The following FBXL17 variants were observed in gnomAD, a reference collection of about 807,000 sequenced individuals.
The protein encoded by FBXL17 is F-box and leucine rich repeat protein 17.
Under a neutral mutation model 66.2 loss-of-function variants are expected in FBXL17, and 22 were observed. The ratio of observed to expected loss-of-function variants is 0.33; its 90% CI spans 0.24 to 0.47. The LOEUF is 0.47. Ranked by LOEUF, FBXL17 falls within the 20% of genes least tolerant of loss-of-function variation. The pLI is 1.00. For missense variants in FBXL17, 878 were observed against 948.2 expected, an observed-to-expected ratio of 0.93 and a Z score of 0.97; for synonymous variants, 474 against 400.5, an observed-to-expected ratio of 1.18 and a Z score of -2.19.
intron 8 of FBXL17, chr5:107,878,095 T>C (rs1748666903): frequency 3.8e-6 from 1 of 262,628 alleles, no homozygotes; most frequent in Admixed American, 6.5e-5. Context: ...AAATACTAAG[T>C]GTCCTACGGA....
chr5:108,322,264 A>G (rs1170868299), intron 4 of FBXL17, among the ~76,000 whole-genome samples: 1 of 151,956 alleles, frequency 6.6e-6, no homozygotes, highest in Non-Finnish European at 1.5e-5. Context: ...TTTAATTGCA[A>G]AACAGTGGCA....
chr5:107,999,373 T>G (rs994420298), intron 7 of FBXL17, among the ~76,000 whole-genome samples: 2 of 151,924 alleles, frequency 1.3e-5, no homozygotes, highest in African/African-American at 4.8e-5. Context: ...ATATCTAAAA[T>G]TGGACCTATA....
intron 8 of FBXL17, chr5:107,880,276 C>T: frequency 1.4e-6 from 1 of 714,730 alleles, no homozygotes; most frequent in Non-Finnish European, 1.7e-6. Context: ...ACAGGGTTTT[C>T]CCATGTTGTC....
chr5:108,272,106 C>T (rs1201891499), intron 4 of FBXL17, among the ~76,000 whole-genome samples: 3 of 152,068 alleles, frequency 2.0e-5, no homozygotes, highest in South Asian at 4.1e-4. Context: ...CTGGCTAACA[C>T]GGTGAAACCC....
At chr5:108,266,765 C>A (rs1441411598) in intron 4 of FBXL17, among the ~76,000 whole-genome samples, 1 of 151,966 alleles carries the variant, frequency 6.6e-6, no homozygotes, top group African/African-American at 2.4e-5. Flanking sequence ...CTCAAAACAG[C>A]AAAATTTGTG....
In FBXL17 at chr5:107,873,855, A is replaced by C. The variant is rs114846389; in HGVS notation, c.1965+7182T>G. Reference sequence around the variant, plus strand: ...GCCTTCAGGCAAACTTCAACACAGCAATCTATTCACCCTACAGTATTTGGG... The same window carrying C: ...GCCTTCAGGCAAACTTCAACACAGCCATCTATTCACCCTACAGTATTTGGG... On this transcript the variant is annotated intron_variant, in intron 8 of 8. Transcript: ENST00000542267. Among the ~76,000 whole-genome samples the C allele has an allele frequency of 5.2e-3, 789 of 152,326 alleles. 8 individuals are homozygous for C. The highest frequency in any genetic ancestry group is 0.018 in the African/African-American group (764 of 41,584).
intron 5 of FBXL17, among the ~76,000 whole-genome samples, chr5:108,222,071 A>G (rs889440241): frequency 7.2e-5 from 11 of 152,338 alleles, no homozygotes; most frequent in African/African-American, 2.6e-4. Context: ...ATCCTTGCCT[A>G]AAATCTTCAG....
chr5:107,949,080 G>A (rs775044422), intron 7 of FBXL17, among the ~76,000 whole-genome samples: 8 of 151,938 alleles, frequency 5.3e-5, no homozygotes, highest in Non-Finnish European at 1.0e-4. Context: ...AAATGGCTTA[G>A]GGCATTTTCA....
chr5:108,046,616 GT>G lies in FBXL17; in HGVS notation c.1746-25616del, dbSNP rs202238097. On this transcript the variant is annotated intron_variant, in intron 6 of 8. Transcript: ENST00000542267. ...ATCTCTTTATATAACTTTCTAAATG[GT>G]TGCTCTAGGTATTATCTTATATATC... 6.6e-3 allele frequency among the ~76,000 whole-genome samples: 1,009 copies of G among 152,038 alleles called. 10 individuals are homozygous for G. Among genetic ancestry groups the G allele is most frequent in the African/African-American group, 0.023 (956 of 41,424 alleles).
chr5:108,327,590 T>C (rs181316036), intron 4 of FBXL17, among the ~76,000 whole-genome samples: 9 of 152,076 alleles, frequency 5.9e-5, no homozygotes, highest in Non-Finnish European at 1.2e-4. Flanking sequence ...GAGTAAAAAA[T>C]ATAAAAGATG....
chr5:108,206,394 T>C (rs919104916), intron 5 of FBXL17, among the ~76,000 whole-genome samples: 3 of 152,290 alleles, frequency 2.0e-5, no homozygotes, highest in East Asian at 3.9e-4. Flanking sequence ...AAAACTGACA[T>C]ACCAAAGACT....
intron 6 of FBXL17, among the ~76,000 whole-genome samples, chr5:108,088,749 A>G (rs1485724256): frequency 2.2e-5 from 3 of 136,730 alleles, no homozygotes; most frequent in Non-Finnish European, 4.7e-5. Flanking sequence ...AGATACCTGT[A>G]TATCTTGGTC....
chr5:108,177,932 T>TATATATATATATATATATAC (rs1242739302), intron 6 of FBXL17, among the ~76,000 whole-genome samples: 3 of 126,834 alleles, frequency 2.4e-5, no homozygotes, highest in African/African-American at 8.2e-5. Context: ...TATATATATA[T>TATATATATATATATATATAC]ACACACACAC....
chr5:107,959,734 C>A (rs1401664256), intron 7 of FBXL17, among the ~76,000 whole-genome samples: 1 of 152,140 alleles, frequency 6.6e-6, no homozygotes, highest in East Asian at 1.9e-4. Flanking sequence ...TCTTTTCCAA[C>A]CTGGCCTTGA....
intron 5 of FBXL17, among the ~76,000 whole-genome samples, chr5:108,193,175 G>C (rs1475724046): frequency 1.3e-5 from 2 of 152,336 alleles, no homozygotes; most frequent in Non-Finnish European, 2.9e-5. Context: ...GGTTAAGACA[G>C]GCTGCCTTGC....
At chr5:108,093,295 A>G (rs1435565974) in intron 6 of FBXL17, among the ~76,000 whole-genome samples, 1 of 151,110 alleles carries the variant, frequency 6.6e-6, no homozygotes. Flanking sequence ...AAAAAAAAAG[A>G]GTAGTTTGTT....
intron 4 of FBXL17, among the ~76,000 whole-genome samples, chr5:108,278,836 C>G (rs150160445): frequency 3.1e-4 from 47 of 152,324 alleles, no homozygotes; most frequent in African/African-American, 1.1e-3. Flanking sequence ...CATGCACTTG[C>G]CACTGGGGGT....
intron 5 of FBXL17, among the ~76,000 whole-genome samples, chr5:108,194,807 G>A (rs114359949): frequency 0.014 from 2,086 of 152,234 alleles, 17 homozygotes; most frequent in Non-Finnish European, 0.022. Flanking sequence ...GAAGATTGAC[G>A]GCCAGGCCCC....
intron 7 of FBXL17, among the ~76,000 whole-genome samples, chr5:108,016,080 A>AT (rs1190187436): frequency 4.6e-5 from 7 of 152,178 alleles, no homozygotes; most frequent in African/African-American, 9.7e-5. Flanking sequence ...ACAGAATGAA[A>AT]TTTTTTTATC....
Sources: allele counts gnomAD v4.1 joint callset (sites outside exome capture counted in the v4.1 genomes callset), GRCh38; gene constraint gnomAD v4.1.1; transcripts MANE v1.5; gene names NCBI Gene and HGNC (gene_info 2026-07-23, HGNC 2026-07-21).